PALLD: variants seen among roughly 807,000 people sequenced by gnomAD.
PALLD encodes palladin, cytoskeletal associated protein.
PALLD carries 61 observed loss-of-function variants against 123.5 expected under a neutral mutation model. That is an observed-to-expected ratio of 0.49 (90% CI 0.40 to 0.61). The LOEUF (loss-of-function observed/expected upper bound fraction) is 0.61, where lower values mean the gene tolerates loss of function less well. PALLD is among the 20% of genes least tolerant of loss of function. The probability of loss-of-function intolerance (pLI) is 0.00; values close to 1 mark genes in which losing one functional copy is unlikely to be tolerated. For missense variants in PALLD, 1,273 were observed against 1,377.0 expected, an observed-to-expected ratio of 0.92 and a Z score of 1.20; for synonymous variants, 465 against 496.4, an observed-to-expected ratio of 0.94 and a Z score of 0.84.
chr4:168,753,812 T>C (rs568686277), intron 10 of PALLD, among the ~76,000 whole-genome samples: 2 of 152,310 alleles, frequency 1.3e-5, no homozygotes, highest in African/African-American at 4.8e-5. Flanking sequence ...TTTAGCTGAC[T>C]GCGGCCTTGG....
intron 15 of PALLD, chr4:168,904,253 T>C (rs1393742881): frequency 7.4e-6 from 2 of 268,950 alleles, no homozygotes; most frequent in Non-Finnish European, 1.5e-5. Flanking sequence ...TAGGATTACA[T>C]GAAGAAAATA....
chr4:168,526,676 TA>T lies in PALLD; in HGVS notation c.908+14265del, dbSNP rs139600260. 4.1e-3 allele frequency among the ~76,000 whole-genome samples: 622 copies of T among 152,322 alleles called. 5 individuals are homozygous for T. Among genetic ancestry groups the T allele is most frequent in the African/African-American group, 0.014 (593 of 41,566 alleles). On this transcript the variant is annotated intron_variant, in intron 2 of 21. Coordinates refer to ENST00000505667, the MANE Select transcript of PALLD (RefSeq NM_001166108.2). ...ATCTGTGCTCAAAGCCAATGGATGA[TA>T]GGGGGCAAGTGTTAGAAATTACCCA...
chr4:168,894,544 C>T (rs1361595349), intron 11 of PALLD, 35 bp from the exon 12 acceptor site: 1 of 1,407,028 alleles, frequency 7.1e-7, no homozygotes, highest in Non-Finnish European at 1.0e-6. Context: ...TGATTTTTTT[C>T]TAATTTTGTA....
intron 2 of PALLD, chr4:168,648,616 C>G (rs6838387): frequency 0.19 from 29,015 of 152,066 alleles, 2,771 homozygotes; most frequent in East Asian, 0.27. Flanking sequence ...TACTTTTGCA[C>G]CAAGCATCTG....
chr4:168,789,650 G>A (rs980217801), intron 10 of PALLD, among the ~76,000 whole-genome samples: 6 of 150,248 alleles, frequency 4.0e-5, no homozygotes, highest in African/African-American at 1.2e-4. Flanking sequence ...GTTGCAGTGA[G>A]CCGAGATCGT....
intron 1 of PALLD, among the ~76,000 whole-genome samples, chr4:168,498,583 G>C (rs1761003665): frequency 6.6e-6 from 1 of 152,206 alleles, no homozygotes; most frequent in Admixed American, 6.5e-5. Context: ...TGTGGAGGCT[G>C]TCAAAGGGTA....
At chr4:168,657,311 T>C (rs557029149) in intron 2 of PALLD, among the ~76,000 whole-genome samples, 2 of 152,376 alleles carry the variant, frequency 1.3e-5, no homozygotes, top group South Asian at 4.1e-4. Flanking sequence ...TTGGTAAACC[T>C]ATTTGGCCAC....
chr4:168,775,142 G>A (rs377079352), intron 10 of PALLD, among the ~76,000 whole-genome samples: 4 of 151,640 alleles, frequency 2.6e-5, no homozygotes, highest in East Asian at 1.9e-4. Flanking sequence ...TGGTTATATC[G>A]TTTTACCTTT....
chr4:168,746,242 C>T (rs899693186), intron 10 of PALLD, among the ~76,000 whole-genome samples: 3 of 151,800 alleles, frequency 2.0e-5, no homozygotes, highest in African/African-American at 7.3e-5. Flanking sequence ...CAGCTCTTTT[C>T]CTCATCAAGA....
At chr4:168,517,060 G>A (rs944764857) in intron 2 of PALLD, among the ~76,000 whole-genome samples, 1 of 152,138 alleles carries the variant, frequency 6.6e-6, no homozygotes, top group Non-Finnish European at 1.5e-5. Flanking sequence ...CCAGGCTGAC[G>A]CACAGGGAAT....
intron 8 of PALLD, among the ~76,000 whole-genome samples, chr4:168,701,125 ATTAAGT>A (rs1057399613): frequency 4.6e-5 from 7 of 152,256 alleles, no homozygotes; most frequent in African/African-American, 1.4e-4. Context: ...GGTCAAACTG[ATTAAGT>A]TTAATAAAAA....
intron 17 of PALLD, 118 bp from the exon 18 acceptor site, chr4:168,921,406 CAAAAAAAAAA>C: frequency 4.4e-5 from 16 of 362,428 alleles, no homozygotes; most frequent in South Asian, 3.1e-4. Flanking sequence ...AAACTCTGTC[CAAAAAAAAAA>C]AAAAAAAAAA....
At chr4:168,785,626 C>T (rs995419272) in intron 10 of PALLD, among the ~76,000 whole-genome samples, 4 of 151,666 alleles carry the variant, frequency 2.6e-5, no homozygotes, top group Non-Finnish European at 4.4e-5. Flanking sequence ...ATTGTCCTTC[C>T]TCATTTGCAA....
At chr4:168,738,591 C>T (rs1178184552) in intron 10 of PALLD, among the ~76,000 whole-genome samples, 5 of 150,116 alleles carry the variant, frequency 3.3e-5, no homozygotes, top group South Asian at 4.3e-4. Flanking sequence ...CTACCATGCC[C>T]GGCTAAGTTT....
rs1263622498 is a variant in PALLD, at chr4:168,559,717, C to T, written c.908+47305C>T. Among the ~76,000 whole-genome samples, 3 of 151,794 alleles carry T rather than the reference C, an allele frequency of 2.0e-5. No homozygotes were observed. The South Asian group carries it at 6.3e-4, about 32-fold the overall frequency. On this transcript the variant is annotated intron_variant, in intron 2 of 21. Transcript: ENST00000505667. The stretch of plus-strand genomic sequence containing the variant: ...GTCGAGACAGGCCTGGGCAACATGG[C>T]GAAACCCCATCTCTACAAAAAATAC...
intron 10 of PALLD, among the ~76,000 whole-genome samples, chr4:168,847,845 G>C (rs1747108932): frequency 6.6e-6 from 1 of 151,646 alleles, no homozygotes; most frequent in South Asian, 2.1e-4. Flanking sequence ...TGATACTTCA[G>C]TTTCTCACAA....
chr4:168,527,104 A>G (rs964534929), intron 2 of PALLD, among the ~76,000 whole-genome samples: 1 of 152,162 alleles, frequency 6.6e-6, no homozygotes, highest in African/African-American at 2.4e-5. Flanking sequence ...TGTACTCACA[A>G]TAACAAACAT....
At chr4:168,657,298 T>C (rs931342665) in intron 2 of PALLD, among the ~76,000 whole-genome samples, 14 of 152,382 alleles carry the variant, frequency 9.2e-5, no homozygotes, top group African/African-American at 3.4e-4. Context: ...TTTAACCCAG[T>C]GCTTGGTAAA....
intron 2 of PALLD, among the ~76,000 whole-genome samples, chr4:168,641,516 T>C (rs1033468889): frequency 8.6e-5 from 13 of 151,730 alleles, no homozygotes; most frequent in Admixed American, 7.9e-4. Context: ...ACTGTGGTGC[T>C]CAGAGCCTGC....
Sources: allele counts gnomAD v4.1 joint callset (sites outside exome capture counted in the v4.1 genomes callset), GRCh38; gene constraint gnomAD v4.1.1; transcripts MANE v1.5; gene names NCBI Gene and HGNC (gene_info 2026-07-23, HGNC 2026-07-21).